Variants in RTRAF observed in about 807,000 individuals in gnomAD.
RTRAF encodes RNA transcription, translation and transport factor, also known as tRNA-splicing ligase complex subunit RTRAF.
RTRAF carries 14 observed loss-of-function variants against 34.4 expected under a neutral mutation model. The observed-to-expected ratio is 0.41, with a 90% CI of 0.27 to 0.64. RTRAF has a LOEUF of 0.64. RTRAF is among the 30% of genes least tolerant of loss of function. The probability of loss-of-function intolerance (pLI) is 0.34; values close to 1 mark genes in which losing one functional copy is unlikely to be tolerated. For missense variants in RTRAF, 291 were observed against 288.4 expected (o/e 1.01, Z -0.06); for synonymous variants, 96 against 95.3 (o/e 1.01, Z -0.04).
In RTRAF at chr14:52,009,487, G is replaced by C. The variant is rs1365606025; in HGVS notation, c.*4971G>C. ...AATTACATGTGTTATATTGCAACCT[G>C]GTTCAAGGTGGGTTTTCTTTTTATT... On this transcript the variant is annotated 3_prime_UTR_variant, in exon 8 of 8. Transcript: ENST00000261700. 6.6e-6 allele frequency: 1 copy of C among 152,166 alleles called. No homozygotes were observed. Among genetic ancestry groups the C allele is most frequent in the Non-Finnish European group, 1.5e-5 (1 of 68,034 alleles). The allele number at this position is 152,166 out of a possible 1,614,324, so 9.4% of individuals were successfully genotyped here. A position where few individuals can be genotyped will look rare whatever the true frequency, so the allele number is the denominator to read the frequency against.
At chr14:52,001,631 C>T (rs906447965) in intron 5 of RTRAF, among the ~76,000 whole-genome samples, 167 bp from the exon 6 acceptor site, 17 of 152,052 alleles carry the variant, frequency 1.1e-4, no homozygotes, top group African/African-American at 2.4e-4. Flanking sequence ...TGAAAGGTTA[C>T]GTTATATTAG....
At chr14:52,002,052 G>C (rs559806869) in intron 6 of RTRAF, 186 bp downstream of exon 6, 1 of 569,082 alleles carries the variant, frequency 1.8e-6, no homozygotes, top group East Asian at 3.1e-5. Context: ...GGTCATTTTT[G>C]AGTGAAAAAC....
At chr14:51,992,225 A>G (rs1233221908) in intron 2 of RTRAF, among the ~76,000 whole-genome samples, 3 of 152,218 alleles carry the variant, frequency 2.0e-5, no homozygotes, top group Admixed American at 6.5e-5. Flanking sequence ...AAATGCTTTT[A>G]GTGTCATTTC....
chr14:52,006,558 A>C lies in RTRAF; in HGVS notation c.*2042A>C. On this transcript the variant is annotated 3_prime_UTR_variant, in exon 8 of 8. Coordinates refer to ENST00000261700, the MANE Select transcript of RTRAF (RefSeq NM_016039.3). Reference sequence around the variant, plus strand: ...TCACCTCCTCCAGTCTGTGTGGTAGAAGTGATCTGCATAGCTTACGATGCT... The same window carrying C: ...TCACCTCCTCCAGTCTGTGTGGTAGCAGTGATCTGCATAGCTTACGATGCT... 1 of 1,613,748 alleles carries C rather than the reference A, an allele frequency of 6.2e-7. No homozygotes were observed. Among genetic ancestry groups the C allele is most frequent in the Non-Finnish European group, 8.5e-7 (1 of 1,179,714 alleles).
rs1488839930 is a variant in RTRAF at position 52,007,359 on chromosome 14, G to A, written c.*2843G>A. 1 of 177,808 alleles carries A rather than the reference G, an allele frequency of 5.6e-6. No homozygotes were observed. The highest frequency in any genetic ancestry group is 1.2e-5 in the Non-Finnish European group (1 of 85,570). The allele number at this position is 177,808 out of a possible 1,614,324, so 11.0% of individuals were successfully genotyped here. A position where few individuals can be genotyped will look rare whatever the true frequency, so the allele number is the denominator to read the frequency against. On this transcript the variant is annotated 3_prime_UTR_variant, in exon 8 of 8. Coordinates refer to ENST00000261700, the MANE Select transcript of RTRAF (RefSeq NM_016039.3). Reference sequence around the variant, plus strand: ...AGACACACAGCATTTTTTCAGTTGTGCTGATAAAAGCAAACAAATGTAGGT... The same window carrying A: ...AGACACACAGCATTTTTTCAGTTGTACTGATAAAAGCAAACAAATGTAGGT...
chr14:52,004,515 G>A lies in RTRAF; in HGVS notation c.734G>A (p.Ter245=), dbSNP rs1890676494. ...TDHRLGKVGR[*] is the part of the protein sequence containing the mutation. ...CACAGACTGGGAAAAGTTGGAAGAT[G>A]AACACTTGAGGACTTCAGCTTCTCA... is the stretch of plus-strand genomic sequence containing the variant. Residue 245 remains the stop codon, a stop_retained_variant, in exon 8 of 8, where the codon TGA becomes TAA. Coordinates refer to ENST00000261700, the MANE Select transcript of RTRAF (RefSeq NM_016039.3). 2 of 1,611,810 alleles carry A rather than the reference G, an allele frequency of 1.2e-6. No individual in the cohort carries two copies. Among genetic ancestry groups the A allele is most frequent in the African/African-American group, 1.3e-5 (1 of 74,406 alleles).
At position 52,006,738 on chromosome 14, in the gene RTRAF, G is replaced by GTGAT. The variant is rs1159198352; in HGVS notation, c.*2223_*2226dup. On this transcript the variant is annotated 3_prime_UTR_variant, in exon 8 of 8. Coordinates refer to ENST00000261700, the MANE Select transcript of RTRAF (RefSeq NM_016039.3). Reference sequence around the variant, plus strand: ...ATAGTGACATAGTGATAGTGACACAGTGATAGAATGGGGAAATAGGATATT... The same window carrying GTGAT: ...ATAGTGACATAGTGATAGTGACACAGTGATTGATAGAATGGGGAAATAGGATATT... The GTGAT allele has an allele frequency of 6.9e-7, 1 of 1,454,644 alleles. No individual in the cohort carries two copies. The highest frequency in any genetic ancestry group is 1.8e-5 in the Admixed American group (1 of 55,420). 90.1% of individuals were successfully genotyped at this position (1,454,644 alleles called of 1,614,324 possible). A position where few individuals can be genotyped will look rare whatever the true frequency, so the allele number is the denominator to read the frequency against.
At position 52,007,327 on chromosome 14, in the gene RTRAF, T is replaced by C. The variant is rs1027279464; in HGVS notation, c.*2811T>C. On this transcript the variant is annotated 3_prime_UTR_variant, in exon 8 of 8. Transcript: ENST00000261700. Reference sequence around the variant, plus strand: ...ACAGTCTTTTTCATATTCTTTAGTATAGAACTAGACACACAGCATTTTTTC... The same window carrying C: ...ACAGTCTTTTTCATATTCTTTAGTACAGAACTAGACACACAGCATTTTTTC... 1 of 164,724 alleles carries C rather than the reference T, an allele frequency of 6.1e-6. No individual in the cohort carries two copies. The highest frequency in any genetic ancestry group is 6.2e-5 in the Admixed American group (1 of 16,254). The allele number at this position is 164,724 out of a possible 1,614,324, so 10.2% of individuals were successfully genotyped here. A position where few individuals can be genotyped will look rare whatever the true frequency, so the allele number is the denominator to read the frequency against.
At chr14:52,004,061 A>ATTC in intron 6 of RTRAF, 133 bp from the exon 7 acceptor site, 1 of 767,948 alleles carries the variant, frequency 1.3e-6, no homozygotes, top group South Asian at 1.8e-5. Context: ...TATAAACAAA[A>ATTC]TTCCTAGTTC....
chr14:52,004,235 C>G lies in RTRAF; in HGVS notation c.573C>G (p.Asp191Glu). ...VALDKHILGF[D>E]TGDAVLNEAA... ...TAGACAAACATATTCTTGGTTTTGACACAGGAGGTAAGTGATTTTGTTTAA... is the reference window on the plus strand; with the variant it reads ...TAGACAAACATATTCTTGGTTTTGAGACAGGAGGTAAGTGATTTTGTTTAA... The change falls in exon 7 of 8, where the codon GAC (aspartate) becomes GAG (glutamate). Residue 191 changes from aspartate (D) to glutamate (E), a missense_variant. By Grantham distance (45) the Asp-to-Glu change is conservative. Transcript: ENST00000261700. The G allele has an allele frequency of 6.2e-7, 1 of 1,613,362 alleles. No individual in the cohort carries two copies. Among genetic ancestry groups the G allele is most frequent in the Non-Finnish European group, 8.5e-7 (1 of 1,179,540 alleles).
rs368813746 is a variant in RTRAF, at chr14:52,007,881, T to C, written c.*3365T>C. ...GCCATTGGGCAATCCAATGTCTGTATTGATCAGAATTCTTCTGTTTTCTCC... is the reference window on the plus strand; with the variant it reads ...GCCATTGGGCAATCCAATGTCTGTACTGATCAGAATTCTTCTGTTTTCTCC... On this transcript the variant is annotated 3_prime_UTR_variant, in exon 8 of 8. Coordinates refer to ENST00000261700, the MANE Select transcript of RTRAF (RefSeq NM_016039.3). 106 of 1,613,774 alleles carry C rather than the reference T, an allele frequency of 6.6e-5. No homozygotes were observed. The highest frequency in any genetic ancestry group is 8.1e-5 in the Non-Finnish European group (96 of 1,179,790).
At chr14:51,991,659 T>C (rs1396932533) in intron 2 of RTRAF, among the ~76,000 whole-genome samples, 1 of 152,226 alleles carries the variant, frequency 6.6e-6, no homozygotes, top group Non-Finnish European at 1.5e-5. Context: ...TAGGTAGAAA[T>C]AGTTTTCTCT....
chr14:51,991,293 T>G, intron 1 of RTRAF, 24 bp from the exon 2 acceptor site: 1 of 1,607,984 alleles, frequency 6.2e-7, no homozygotes, highest in Non-Finnish European at 8.5e-7. Context: ...CTTCTAGTTA[T>G]TTATGTGATA....
chr14:52,004,485 C>T lies in RTRAF; in HGVS notation c.704C>T (p.Thr235Ile), dbSNP rs1890675054. Reference protein sequence around the residue: ...AVQAIIADPKTDHRLGKVGR With the variant: ...AVQAIIADPKIDHRLGKVGR ...CAGGCAATTATTGCTGATCCAAAGA[C>T]AGACCACAGACTGGGAAAAGTTGGA... Residue 235 changes from threonine to isoleucine, a missense_variant, in exon 8 of 8, where the codon ACA becomes ATA. Thr to Ile is a moderately conservative substitution (Grantham distance 89). Coordinates refer to ENST00000261700, the MANE Select transcript of RTRAF (RefSeq NM_016039.3). 6.2e-7 allele frequency: 1 copy of T among 1,613,454 alleles called. No individual in the cohort carries two copies. The highest frequency in any genetic ancestry group is 8.5e-7 in the Non-Finnish European group (1 of 1,179,824).
chr14:51,991,164 A>G (rs1014324535), intron 1 of RTRAF, among the ~76,000 whole-genome samples, 153 bp from the exon 2 acceptor site: 2 of 152,218 alleles, frequency 1.3e-5, no homozygotes, highest in African/African-American at 4.8e-5. Flanking sequence ...TTTCAACTCC[A>G]GAATCTGTAC....
rs113226009 is a variant in RTRAF at position 51,998,808 on chromosome 14, T to C, written c.373+228T>C. 4.1e-4 allele frequency among the ~76,000 whole-genome samples: 62 copies of C among 152,088 alleles called. 1 individual carries two copies. The highest frequency in any genetic ancestry group is 1.5e-3 in the African/African-American group (61 of 41,554). ...TTGATTTGATTTGCTTCTAGTAATT[T>C]GGAGTTTTGATTTGTATTTAATCAT... On this transcript the variant is annotated intron_variant, in intron 4 of 7. Transcript: ENST00000261700.
At chr14:52,000,097 G>A (rs1890577865) in intron 5 of RTRAF, among the ~76,000 whole-genome samples, 1 of 152,042 alleles carries the variant, frequency 6.6e-6, no homozygotes, top group Non-Finnish European at 1.5e-5. Flanking sequence ...TGAGGATAAT[G>A]TCTAAGATGA....
chr14:52,000,017 C>T (rs1890576967), intron 5 of RTRAF: 1 of 440,410 alleles, frequency 2.3e-6, no homozygotes, highest in Admixed American at 3.7e-5. Context: ...TTCAATCCTG[C>T]CAACAATCCT....
rs1166601983 is a variant in RTRAF, at chr14:51,989,639, C to T, written c.-1C>T. The T allele has an allele frequency of 6.2e-7, 1 of 1,603,876 alleles. No individual in the cohort carries two copies. The highest frequency in any genetic ancestry group is 2.3e-5 in the East Asian group (1 of 43,968). On this transcript the variant is annotated 5_prime_UTR_variant, in exon 1 of 8. Transcript: ENST00000261700. Reference sequence around the variant, plus strand: ...GGGGACCAGAGCGAGAAGCGGGGACCATGTTCCGACGCAAGTTGACGGCTC... The same window carrying T: ...GGGGACCAGAGCGAGAAGCGGGGACTATGTTCCGACGCAAGTTGACGGCTC...
Sources: allele counts gnomAD v4.1 joint callset (sites outside exome capture counted in the v4.1 genomes callset), GRCh38; gene constraint gnomAD v4.1.1; transcripts MANE v1.5; gene names NCBI Gene and HGNC (gene_info 2026-07-23, HGNC 2026-07-21).